The following ZNF385B variants were observed in gnomAD, a reference collection of about 807,000 sequenced individuals.
ZNF385B encodes zinc finger protein 385B.
A neutral mutation model predicts 39.2 loss-of-function variants in ZNF385B; 23 were observed. The ratio of observed to expected loss-of-function variants is 0.59; its 90% CI spans 0.42 to 0.83. The LOEUF is 0.83. Among genes scored for constraint, ZNF385B ranks in the 40% least tolerant of loss-of-function variants. The pLI is 0.00. For synonymous variants in ZNF385B, 205 were observed against 222.6 expected (o/e 0.92, Z 0.70); for missense variants, 552 against 598.9 (o/e 0.92, Z 0.82).
intron 3 of ZNF385B, among the ~76,000 whole-genome samples, chr2:179,686,420 AAG>A (rs1297320094): frequency 6.6e-6 from 1 of 152,220 alleles, no homozygotes; most frequent in Non-Finnish European, 1.5e-5. Context: ...TGACATTGAA[AAG>A]AGACGTTAGC....
chr2:179,535,162 T>C (rs2059486040), intron 4 of ZNF385B, among the ~76,000 whole-genome samples: 1 of 152,166 alleles, frequency 6.6e-6, no homozygotes, highest in South Asian at 2.1e-4. Context: ...TTGTAAATCA[T>C]AAGCCTGTGA....
At chr2:179,761,975 C>T (rs1211342579) in intron 3 of ZNF385B, among the ~76,000 whole-genome samples, 2 of 151,974 alleles carry the variant, frequency 1.3e-5, no homozygotes, top group African/African-American at 4.8e-5. Context: ...CCTTCCCCTG[C>T]TCTTGGTCTT....
intron 1 of ZNF385B, among the ~76,000 whole-genome samples, chr2:179,833,481 G>A (rs1708089549): frequency 6.6e-6 from 1 of 152,064 alleles, no homozygotes; most frequent in Non-Finnish European, 1.5e-5. Context: ...TAATAATGCA[G>A]AATCAAACCA....
chr2:179,571,720 C>T (rs1350339432), intron 3 of ZNF385B, among the ~76,000 whole-genome samples: 2 of 152,160 alleles, frequency 1.3e-5, no homozygotes, highest in African/African-American at 4.8e-5. Flanking sequence ...ACAGTTCTTG[C>T]TAATGCTACA....
chr2:179,543,354 A>T (rs928784052), intron 4 of ZNF385B, among the ~76,000 whole-genome samples: 1 of 152,248 alleles, frequency 6.6e-6, no homozygotes, highest in Non-Finnish European at 1.5e-5. Context: ...GACTACTTGC[A>T]TCATGAATGC....
At chr2:179,770,379 A>C (rs999141630) in intron 2 of ZNF385B, 142 bp downstream of exon 2, 3 of 153,252 alleles carry the variant, frequency 2.0e-5, no homozygotes, top group Non-Finnish European at 2.9e-5. Context: ...AAATGATGTC[A>C]TGAATCTGGA....
intron 3 of ZNF385B, among the ~76,000 whole-genome samples, chr2:179,560,679 GTCTC>G (rs894727022): frequency 1.3e-4 from 20 of 151,858 alleles, no homozygotes; most frequent in Non-Finnish European, 4.4e-5. Flanking sequence ...CTCTGTCTCT[GTCTC>G]TCTCTGTTTC....
intron 6 of ZNF385B, among the ~76,000 whole-genome samples, chr2:179,451,693 C>T (rs1267177709): frequency 2.0e-5 from 3 of 151,806 alleles, no homozygotes; most frequent in Non-Finnish European, 4.4e-5. Flanking sequence ...ACTATCTAGT[C>T]AATAAAACAG....
intron 2 of ZNF385B, among the ~76,000 whole-genome samples, chr2:179,770,266 GTATGAGCTC>G (rs1175553027): frequency 3.3e-5 from 5 of 152,154 alleles, no homozygotes; most frequent in Non-Finnish European, 5.9e-5. Flanking sequence ...CCCCATTACA[GTATGAGCTC>G]TATGAGGACA....
In ZNF385B at chr2:179,485,706, T is replaced by C. The variant is rs541144126; in HGVS notation, c.553-2272A>G. On this transcript the variant is annotated intron_variant, in intron 5 of 9. Transcript: ENST00000410066. ...TCCCATTTAAATGGAAGCTTGGTGA[T>C]AGATTCATGCCACAGTCTGTTTTTC... Among the ~76,000 whole-genome samples, 59 of 152,346 alleles carry C rather than the reference T, an allele frequency of 3.9e-4. 1 individual carries two copies. The highest frequency in any genetic ancestry group is 8.1e-4 in the Non-Finnish European group (55 of 68,028).
chr2:179,685,521 C>A (rs1697854273), intron 3 of ZNF385B, among the ~76,000 whole-genome samples: 1 of 152,084 alleles, frequency 6.6e-6, no homozygotes, highest in South Asian at 2.1e-4. Context: ...ATTAAAAGTG[C>A]AATAGTTATA....
intron 1 of ZNF385B, among the ~76,000 whole-genome samples, chr2:179,853,692 A>T (rs6725456): frequency 2.0e-5 from 3 of 152,100 alleles, no homozygotes; most frequent in Admixed American, 2.0e-4. Flanking sequence ...ATAATGTACA[A>T]TTATGGCTAC....
intron 3 of ZNF385B, among the ~76,000 whole-genome samples, chr2:179,618,009 T>C (rs984948868): frequency 1.3e-5 from 2 of 152,130 alleles, no homozygotes; most frequent in Non-Finnish European, 2.9e-5. Flanking sequence ...TTATTATTAC[T>C]CATGTCTGCC....
At chr2:179,695,100 A>T (rs1698640108) in intron 3 of ZNF385B, among the ~76,000 whole-genome samples, 1 of 151,940 alleles carries the variant, frequency 6.6e-6, no homozygotes, top group Non-Finnish European at 1.5e-5. Context: ...GTGTCATATG[A>T]CTCTTACTTT....
Position 179,443,390 on chromosome 2 carries a change from C to T in ZNF385B, c.1321G>A (p.Ala441Thr). 1 of 1,611,058 alleles carries T rather than the reference C, an allele frequency of 6.2e-7. No homozygotes were observed. The highest frequency in any genetic ancestry group is 1.1e-5 in the South Asian group (1 of 90,748). The change falls in exon 10 of 10, where the codon GCC becomes ACC. Residue 441 changes from alanine (A) to threonine (T), a missense_variant. Transcript: ENST00000410066. Reference protein sequence around the residue: ...FLSSPLAAAAAVSSALSLPPR... With the variant: ...FLSSPLAAAATVSSALSLPPR... Reference sequence around the variant, plus strand: ...GGGAGTGACAGCGCTGAGGACACGGCTGCCGCCGCTGCGAGAGGTGAGGAC... The same window carrying T: ...GGGAGTGACAGCGCTGAGGACACGGTTGCCGCCGCTGCGAGAGGTGAGGAC...
At chr2:179,454,191 T>C (rs1341127843) in intron 6 of ZNF385B, among the ~76,000 whole-genome samples, 2 of 152,220 alleles carry the variant, frequency 1.3e-5, no homozygotes, top group Non-Finnish European at 2.9e-5. Flanking sequence ...CAGTCATGTG[T>C]CACATAATGA....
intron 3 of ZNF385B, among the ~76,000 whole-genome samples, chr2:179,718,957 T>TGTGC (rs1700507158): frequency 6.6e-6 from 1 of 151,834 alleles, no homozygotes. Flanking sequence ...ACTCTGTGTG[T>TGTGC]GTGTGTGTGT....
chr2:179,689,555 G>C (rs916210319), intron 3 of ZNF385B, among the ~76,000 whole-genome samples: 1 of 152,136 alleles, frequency 6.6e-6, no homozygotes, highest in African/African-American at 2.4e-5. Flanking sequence ...GTAGGAGAAA[G>C]GAAGGTAAGC....
intron 3 of ZNF385B, among the ~76,000 whole-genome samples, chr2:179,740,319 G>C (rs918157315): frequency 1.3e-5 from 2 of 152,128 alleles, no homozygotes; most frequent in African/African-American, 2.4e-5. Context: ...GCAAAAAGAT[G>C]ATTTGCTAAA....
Sources: allele counts gnomAD v4.1 joint callset (sites outside exome capture counted in the v4.1 genomes callset), GRCh38; gene constraint gnomAD v4.1.1; transcripts MANE v1.5; gene names NCBI Gene and HGNC (gene_info 2026-07-23, HGNC 2026-07-21).